The following CPSF3 variants were observed in gnomAD, a reference collection of about 807,000 sequenced individuals.
The protein encoded by CPSF3 is cleavage and polyadenylation specificity factor subunit 3.
CPSF3 carries 57 observed loss-of-function variants against 84.1 expected under a neutral mutation model. The ratio of observed to expected loss-of-function variants is 0.68; its 90% CI spans 0.55 to 0.85. CPSF3 has a LOEUF of 0.85. Ranked by LOEUF, CPSF3 falls within the 40% of genes least tolerant of loss-of-function variation. CPSF3 has a pLI of 0.00. For missense variants in CPSF3, 522 were observed against 838.8 expected (o/e 0.62, Z 4.66); for synonymous variants, 275 against 278.1 (o/e 0.99, Z 0.11).
intron 1 of CPSF3, chr2:9,425,027 G>T (rs1275880291): frequency 1.3e-5 from 2 of 152,238 alleles, no homozygotes; most frequent in Middle Eastern, 3.2e-3. Flanking sequence ...CACTGTGAAA[G>T]TATGGAAAAG....
intron 15 of CPSF3, among the ~76,000 whole-genome samples, chr2:9,462,704 C>G (rs1681773170): frequency 6.6e-6 from 1 of 152,182 alleles, no homozygotes; most frequent in South Asian, 2.1e-4. Context: ...TGAAATGTAC[C>G]TTTACTCTGA....
chr2:9,445,208 A>G (rs889055327), intron 10 of CPSF3, among the ~76,000 whole-genome samples: 2 of 152,140 alleles, frequency 1.3e-5, no homozygotes, highest in Middle Eastern at 3.2e-3. Flanking sequence ...TTCTGTTTCT[A>G]TGAATTTGAC....
chr2:9,454,701 T>C (rs976789193), intron 12 of CPSF3, among the ~76,000 whole-genome samples: 1 of 151,680 alleles, frequency 6.6e-6, no homozygotes, highest in Admixed American at 6.6e-5. Context: ...CCTGCCACCA[T>C]GCCCGGCTAA....
Position 9,423,667 on chromosome 2 carries a change from T to C in CPSF3, c.-107T>C, listed in dbSNP as rs1680195988. The stretch of plus-strand genomic sequence containing the variant: ...CTCCGGAGTGACGGAAGTTGTGCTC[T>C]TGGTGAATGGGGTTCTTCCTTTTTT... On this transcript the variant is annotated 5_prime_UTR_variant, in exon 1 of 18. Transcript: ENST00000238112. The C allele has an allele frequency of 7.0e-7, 1 of 1,419,586 alleles. No homozygotes were observed. Among genetic ancestry groups the C allele is most frequent in the Non-Finnish European group, 9.6e-7 (1 of 1,046,504 alleles). The allele number at this position is 1,419,586 out of a possible 1,614,324, so 87.9% of individuals were successfully genotyped here. A position where few individuals can be genotyped will look rare whatever the true frequency, so the allele number is the denominator to read the frequency against.
Position 9,448,215 on chromosome 2 carries a change from A to G in CPSF3, c.1260A>G (p.Glu420=). 1 of 1,606,076 alleles carries G rather than the reference A, an allele frequency of 6.2e-7. No individual in the cohort carries two copies. The highest frequency in any genetic ancestry group is 8.5e-7 in the Non-Finnish European group (1 of 1,174,190). The change falls in exon 11 of 18, where the codon GAA becomes GAG. Residue 420 remains glutamate, a synonymous_variant. Transcript: ENST00000238112. ...CTATGTAGATTTTAGTCCATGGAGA[A>G]CAGAATGAAATGGCCAGATTGAAAG... is the stretch of plus-strand genomic sequence containing the variant. ...KPPHVILVHG[E]QNEMARLKAA...
intron 1 of CPSF3, among the ~76,000 whole-genome samples, chr2:9,426,675 G>T (rs1331625153): frequency 1.3e-5 from 2 of 152,142 alleles, no homozygotes; most frequent in Non-Finnish European, 2.9e-5. Flanking sequence ...AGCAAGACAA[G>T]ATGAGAGCAT....
chr2:9,443,337 T>C (rs551857523), intron 9 of CPSF3, among the ~76,000 whole-genome samples, 178 bp from the exon 10 acceptor site: 2 of 152,310 alleles, frequency 1.3e-5, no homozygotes, highest in South Asian at 2.1e-4. Flanking sequence ...TCTCATTAAA[T>C]GTTTGCTTGA....
At chr2:9,459,483 T>C (rs781496043) in intron 14 of CPSF3, 48 bp from the exon 15 acceptor site, 20 of 1,176,414 alleles carry the variant, frequency 1.7e-5, no homozygotes, top group African/African-American at 6.0e-5. Flanking sequence ...CCTTTGTGGT[T>C]GGTCACCCTA....
chr2:9,438,852 C>T (rs1258474678), intron 7 of CPSF3, among the ~76,000 whole-genome samples: 2 of 152,120 alleles, frequency 1.3e-5, no homozygotes, highest in Non-Finnish European at 2.9e-5. Context: ...TCAATTCTCC[C>T]TTGTAATGTA....
chr2:9,448,424 G>C (rs936497757), intron 11 of CPSF3, 74 bp downstream of exon 11: 1 of 1,201,210 alleles, frequency 8.3e-7, no homozygotes, highest in African/African-American at 1.5e-5. Context: ...TAAGAAAATA[G>C]ATCTTTAGTC....
At chr2:9,463,097 C>T (rs1423999028) in intron 15 of CPSF3, among the ~76,000 whole-genome samples, 1 of 152,222 alleles carries the variant, frequency 6.6e-6, no homozygotes, top group East Asian at 1.9e-4. Flanking sequence ...CTGCCCCCTC[C>T]AAGGATCTGA....
chr2:9,423,734 G>C lies in CPSF3; in HGVS notation c.-40G>C. The C allele has an allele frequency of 6.2e-7, 1 of 1,606,756 alleles. No homozygotes were observed. The highest frequency in any genetic ancestry group is 1.1e-5 in the South Asian group (1 of 90,204). ...GCTTCCAATTTAGGAAGACCCCGGC[G>C]ACCTGTTCCTCACCCCCGCTTCGCC... is the stretch of plus-strand genomic sequence containing the variant. On this transcript the variant is annotated 5_prime_UTR_variant, in exon 1 of 18. Transcript: ENST00000238112.
intron 2 of CPSF3, among the ~76,000 whole-genome samples, chr2:9,429,065 C>T (rs376886550): frequency 4.6e-5 from 7 of 152,022 alleles, no homozygotes; most frequent in East Asian, 1.9e-4. Context: ...GAACTGTTAC[C>T]TCTTCAAAGT....
intron 15 of CPSF3, 93 bp from the exon 16 acceptor site, chr2:9,467,614 A>C: frequency 1.1e-6 from 1 of 870,908 alleles, no homozygotes; most frequent in Non-Finnish European, 1.8e-6. Flanking sequence ...ATTCACTTTA[A>C]CTTATCAGTA....
intron 11 of CPSF3, among the ~76,000 whole-genome samples, chr2:9,449,025 C>T (rs773704272): frequency 6.6e-6 from 1 of 152,076 alleles, no homozygotes; most frequent in Non-Finnish European, 1.5e-5. Flanking sequence ...AAGATAGGCT[C>T]ATATCTCTAA....
intron 15 of CPSF3, among the ~76,000 whole-genome samples, chr2:9,461,842 AC>A (rs943745757): frequency 6.9e-6 from 1 of 145,462 alleles, no homozygotes; most frequent in African/African-American, 2.6e-5. Flanking sequence ...GCTCACTGCA[AC>A]CTCTGCCTCC....
chr2:9,466,276 ACACACGTGCG>A (rs1681933429), intron 15 of CPSF3, among the ~76,000 whole-genome samples: 3 of 138,674 alleles, frequency 2.2e-5, no homozygotes, highest in African/African-American at 8.0e-5. Flanking sequence ...AGACGCACGC[ACACACGTGCG>A]CACACAGACG....
chr2:9,428,838 A>AT lies in CPSF3; in HGVS notation c.114+15dup. ...AGGAAGAAAAATAATGGTAATTACT[A>AT]TTTTTGTACTCAGTTTAATAGTATG... On this transcript the variant is annotated intron_variant, in intron 2 of 17. Coordinates refer to ENST00000238112, the MANE Select transcript of CPSF3 (RefSeq NM_016207.4). 6.7e-7 allele frequency: 1 copy of AT among 1,496,074 alleles called. No homozygotes were observed. The highest frequency in any genetic ancestry group is 9.3e-7 in the Non-Finnish European group (1 of 1,072,886). The allele number at this position is 1,496,074 out of a possible 1,614,324, so 92.7% of individuals were successfully genotyped here.
chr2:9,459,474 C>T, intron 14 of CPSF3, 57 bp from the exon 15 acceptor site: 1 of 1,060,824 alleles, frequency 9.4e-7, no homozygotes, highest in Non-Finnish European at 1.5e-6. Context: ...TAGTTGTAGC[C>T]TTTGTGGTTG....
Sources: gnomAD v4.1 joint callset for allele counts (sites outside exome capture counted in the v4.1 genomes callset) on GRCh38, gnomAD v4.1.1 for gene constraint, MANE v1.5 for transcripts, NCBI Gene and HGNC (gene_info 2026-07-23, HGNC 2026-07-21) for gene names.